The following FGD4 variants were observed in gnomAD, a reference collection of about 807,000 sequenced individuals.
The protein encoded by FGD4 is FYVE, RhoGEF and PH domain containing 4, also known as FYVE, RhoGEF and PH domain-containing protein 4.
FGD4 carries 42 observed loss-of-function variants against 102.0 expected under a neutral mutation model. That is an observed-to-expected ratio of 0.41 (90% CI 0.32 to 0.53). FGD4 has a LOEUF of 0.53. Ranked by LOEUF, FGD4 falls within the 20% of genes least tolerant of loss-of-function variation. The pLI is 0.21. For synonymous variants in FGD4, 380 were observed against 375.7 expected, an observed-to-expected ratio of 1.01 and a Z score of -0.13; for missense variants, 902 against 1,078.2, an observed-to-expected ratio of 0.84 and a Z score of 2.29.
Position 32,639,405 on chromosome 12 carries a change from C to G in FGD4, c.2454+610C>G, listed in dbSNP as rs543931499. Among the ~76,000 whole-genome samples, 4 of 152,330 alleles carry G rather than the reference C, an allele frequency of 2.6e-5. No individual in the cohort carries two copies. In the South Asian group the frequency reaches 8.3e-4, roughly 32 times the overall value. On this transcript the variant is annotated intron_variant, in intron 16 of 16. Coordinates refer to ENST00000534526, the MANE Select transcript of FGD4 (RefSeq NM_001370298.3). Reference sequence around the variant, plus strand: ...TCTTGAACTCCTGACCTCAGGTGATCCGCCCACCTCGGCCTCCCAAAGTGC... The same window carrying G: ...TCTTGAACTCCTGACCTCAGGTGATGCGCCCACCTCGGCCTCCCAAAGTGC...
At chr12:32,529,352 C>T (rs146907661) in intron 1 of FGD4, among the ~76,000 whole-genome samples, 1,781 of 152,092 alleles carry the variant, frequency 0.012, 21 homozygotes, top group Non-Finnish European at 0.014. Context: ...GTCTCGATCT[C>T]TTAACCTTGT....
chr12:32,528,610 C>A (rs1220782495), intron 1 of FGD4, among the ~76,000 whole-genome samples: 4 of 152,118 alleles, frequency 2.6e-5, no homozygotes, highest in African/African-American at 9.7e-5. Flanking sequence ...ATGCTGTTCT[C>A]GAACTCCTGA....
chr12:32,524,273 G>A (rs1003461785), intron 1 of FGD4, among the ~76,000 whole-genome samples: 3 of 151,004 alleles, frequency 2.0e-5, no homozygotes, highest in Admixed American at 6.6e-5. Context: ...GCGTCAGTCC[G>A]TAGTCCCAGC....
At chr12:32,563,673 G>C (rs926359955) in intron 1 of FGD4, among the ~76,000 whole-genome samples, 4 of 152,136 alleles carry the variant, frequency 2.6e-5, no homozygotes, top group Admixed American at 2.6e-4. Flanking sequence ...AGGTTGTAGC[G>C]AGCCGCGATC....
chr12:32,594,539 A>G (rs912505489), intron 4 of FGD4, among the ~76,000 whole-genome samples: 4 of 152,300 alleles, frequency 2.6e-5, no homozygotes, highest in South Asian at 2.1e-4. Context: ...TGCTTAAATC[A>G]TCCTGAAACC....
Position 32,625,635 on chromosome 12 carries a change from ATCTT to A in FGD4, c.2047-14_2047-11del. 1 of 1,613,076 alleles carries A rather than the reference ATCTT, an allele frequency of 6.2e-7. No individual in the cohort carries two copies. The highest frequency in any genetic ancestry group is 1.1e-5 in the South Asian group (1 of 90,878). On this transcript the variant is annotated splice_polypyrimidine_tract_variant and intron_variant, in intron 13 of 16. Transcript: ENST00000534526. ...TATAGTTTTTTTCTATTAAAATTGA[ATCTT>A]TCTTCCCTTTTTAGACTGCTGAGCT...
intron 8 of FGD4, among the ~76,000 whole-genome samples, chr12:32,608,635 G>A (rs1948943835): frequency 6.6e-6 from 1 of 152,160 alleles, no homozygotes; most frequent in South Asian, 2.1e-4. Flanking sequence ...AGATTATAAT[G>A]AAAGGGGTTT....
chr12:32,526,070 G>C lies in FGD4; in HGVS notation c.167-38067G>C, dbSNP rs1941153799. 2.0e-5 allele frequency among the ~76,000 whole-genome samples: 3 copies of C among 152,378 alleles called. No homozygotes were observed. The South Asian group carries it at 6.2e-4, about 32-fold the overall frequency. On this transcript the variant is annotated intron_variant, in intron 1 of 16. Coordinates refer to ENST00000534526, the MANE Select transcript of FGD4 (RefSeq NM_001370298.3). The stretch of plus-strand genomic sequence containing the variant: ...TGAGGAATGCGAGCGCAGGGGGCAG[G>C]ACTGGCAGGCAGCTCCACCTGCAGC...
At chr12:32,480,097 A>T (rs1943689859) in intron 1 of FGD4, among the ~76,000 whole-genome samples, 1 of 150,490 alleles carries the variant, frequency 6.6e-6, no homozygotes, top group African/African-American at 2.4e-5. Context: ...CTGCCTGTAA[A>T]GTCTGTTTTT....
intron 3 of FGD4, among the ~76,000 whole-genome samples, chr12:32,579,395 T>C (rs17538775): frequency 0.1 from 15,300 of 152,142 alleles, 901 homozygotes; most frequent in Middle Eastern, 0.21. Flanking sequence ...TTTCTCCTTA[T>C]GGTTTGGCAT....
chr12:32,489,768 G>C (rs990467499), intron 1 of FGD4, among the ~76,000 whole-genome samples: 1 of 151,904 alleles, frequency 6.6e-6, no homozygotes, highest in Non-Finnish European at 1.5e-5. Context: ...CCTATTTTTC[G>C]TGTGGAGAAA....
chr12:32,634,980 C>CT (rs1565934734), intron 15 of FGD4, among the ~76,000 whole-genome samples: 1 of 110,030 alleles, frequency 9.1e-6, no homozygotes, highest in Non-Finnish European at 1.8e-5. Context: ...GAGCTAGACT[C>CT]TGTCTCAAAA....
At chr12:32,534,499 G>GT (rs1394240570) in intron 1 of FGD4, 2 of 1,480,198 alleles carry the variant, frequency 1.4e-6, no homozygotes, top group East Asian at 2.5e-5. Context: ...ACTGATCAAG[G>GT]TAAGTGGTTT....
chr12:32,585,222 T>TTACATA (rs1555210494), intron 4 of FGD4, among the ~76,000 whole-genome samples: 2 of 116,142 alleles, frequency 1.7e-5, no homozygotes, highest in Non-Finnish European at 3.6e-5. Flanking sequence ...CTCAAAAATT[T>TTACATA]TATATATATA....
At chr12:32,453,237 A>ATATTT (rs768366013) in intron 1 of FGD4, among the ~76,000 whole-genome samples, 17 of 90,526 alleles carry the variant, frequency 1.9e-4, no homozygotes, top group Admixed American at 4.3e-4. Flanking sequence ...ATATATATAT[A>ATATTT]TTTTTTTTTT....
chr12:32,549,836 G>A (rs1943511522), intron 1 of FGD4, among the ~76,000 whole-genome samples: 1 of 152,164 alleles, frequency 6.6e-6, no homozygotes, highest in African/African-American at 2.4e-5. Flanking sequence ...CTGTTTCCCT[G>A]TCACACTAGC....
At chr12:32,589,359 A>G (rs1454172221) in intron 4 of FGD4, among the ~76,000 whole-genome samples, 2 of 152,030 alleles carry the variant, frequency 1.3e-5, no homozygotes, top group Non-Finnish European at 2.9e-5. Context: ...CTCTTTTTTA[A>G]CTTAGGGTTC....
chr12:32,402,015 G>T (rs192050818), intron 1 of FGD4, among the ~76,000 whole-genome samples: 71 of 149,996 alleles, frequency 4.7e-4, no homozygotes, highest in African/African-American at 1.7e-3. Context: ...CCATTCTCCT[G>T]CCTCAGCCTC....
At chr12:32,436,451 T>C (rs1441215701) in intron 1 of FGD4, among the ~76,000 whole-genome samples, 1 of 152,162 alleles carries the variant, frequency 6.6e-6, no homozygotes, top group Non-Finnish European at 1.5e-5. Context: ...ATGTGGGCAT[T>C]GAATGGCTGC....
Sources: allele counts gnomAD v4.1 joint callset (sites outside exome capture counted in the v4.1 genomes callset), GRCh38; gene constraint gnomAD v4.1.1; transcripts MANE v1.5; gene names NCBI Gene and HGNC (gene_info 2026-07-23, HGNC 2026-07-21).